Variants in ANKFN1 observed in about 807,000 individuals in gnomAD.
ANKFN1 encodes the protein ankyrin repeat and fibronectin type III domain containing 1, also known as ankyrin repeat and fibronectin type-III domain-containing protein 1.
In ANKFN1, 74 loss-of-function variants were observed where a neutral mutation model predicts 108.7. That is an observed-to-expected ratio of 0.68 (90% CI 0.56 to 0.83). The LOEUF is 0.83. ANKFN1 is among the 40% of genes least tolerant of loss of function. The pLI, the probability that ANKFN1 is intolerant of heterozygous loss-of-function variation, is 0.00. For missense variants in ANKFN1, 1,505 were observed against 1,382.3 expected (o/e 1.09, Z -1.41); for synonymous variants, 547 against 516.2 (o/e 1.06, Z -0.81).
chr17:56,482,191 T>C (rs1423012741), intron 17 of ANKFN1, among the ~76,000 whole-genome samples, 165 bp from the exon 18 acceptor site: 2 of 152,244 alleles, frequency 1.3e-5, no homozygotes, highest in African/African-American at 2.4e-5. Context: ...ATCTTGATTT[T>C]ATATAGCATT....
At chr17:56,356,157 T>G (rs953044025) in intron 6 of ANKFN1, among the ~76,000 whole-genome samples, 1 of 152,032 alleles carries the variant, frequency 6.6e-6, no homozygotes, top group African/African-American at 2.4e-5. Context: ...CAGGAGTGGG[T>G]GGGATAATAT....
intron 4 of ANKFN1, among the ~76,000 whole-genome samples, chr17:56,048,360 A>G (rs1258228185): frequency 6.6e-6 from 1 of 152,162 alleles, no homozygotes; most frequent in African/African-American, 2.4e-5. Context: ...ATGAATTTTT[A>G]TGGCTTTTCA....
chr17:56,417,686 A>G (rs1032906417), intron 8 of ANKFN1, among the ~76,000 whole-genome samples: 2 of 152,232 alleles, frequency 1.3e-5, no homozygotes, highest in African/African-American at 4.8e-5. Flanking sequence ...ACTGGATTCC[A>G]GCTTTCTCTG....
intron 4 of ANKFN1, among the ~76,000 whole-genome samples, chr17:56,078,367 C>T (rs1161886517): frequency 6.6e-6 from 1 of 152,140 alleles, no homozygotes; most frequent in Non-Finnish European, 1.5e-5. Context: ...CTTCAGCCAG[C>T]CTGTGTCATA....
At chr17:56,210,514 G>A (rs532742280) in intron 1 of ANKFN1, among the ~76,000 whole-genome samples, 1 of 152,108 alleles carries the variant, frequency 6.6e-6, no homozygotes, top group African/African-American at 2.4e-5. Flanking sequence ...TTTTTCATAT[G>A]TTTGTTGGCC....
chr17:56,128,432 C>T (rs759013816), intron 4 of ANKFN1, among the ~76,000 whole-genome samples: 2 of 152,150 alleles, frequency 1.3e-5, no homozygotes, highest in Non-Finnish European at 2.9e-5. Flanking sequence ...CTTAGCCAAA[C>T]GAAGAAAGCC....
chr17:56,313,929 C>T (rs2045119725), intron 3 of ANKFN1, among the ~76,000 whole-genome samples: 1 of 152,180 alleles, frequency 6.6e-6, no homozygotes, highest in African/African-American at 2.4e-5. Flanking sequence ...AACCAAATAT[C>T]CCACCAACCC....
At chr17:56,342,364 G>A (rs962031982) in intron 4 of ANKFN1, among the ~76,000 whole-genome samples, 1 of 151,194 alleles carries the variant, frequency 6.6e-6, no homozygotes, top group African/African-American at 2.4e-5. Context: ...TTTGCTCTTG[G>A]TTCTCTAGGT....
intron 8 of ANKFN1, among the ~76,000 whole-genome samples, chr17:56,430,941 T>G (rs2048733912): frequency 6.6e-6 from 1 of 152,130 alleles, no homozygotes; most frequent in Admixed American, 6.5e-5. Context: ...CATTGATGGC[T>G]GAAGGAAAAG....
At chr17:56,264,336 C>G (rs1386905213) in intron 3 of ANKFN1, among the ~76,000 whole-genome samples, 1 of 152,190 alleles carries the variant, frequency 6.6e-6, no homozygotes, top group Non-Finnish European at 1.5e-5. Context: ...GCCAGGTCTG[C>G]TGGCTACATG....
In ANKFN1 at chr17:56,361,123, C is replaced by T. The variant is rs112130904; in HGVS notation, c.601+7077C>T. On this transcript the variant is annotated intron_variant, in intron 6 of 20. Transcript: ENST00000682825. ...GTGTGGCTTTTTTTACTTAGAATAA[C>T]GTCCTCCAGGTTCATCCATGTTGTT... is the stretch of plus-strand genomic sequence containing the variant. Among the ~76,000 whole-genome samples, 642 of 152,218 alleles carry T rather than the reference C, an allele frequency of 4.2e-3. 11 individuals carry two copies. Among genetic ancestry groups the T allele is most frequent in the African/African-American group, 0.014 (585 of 41,534 alleles).
intron 8 of ANKFN1, among the ~76,000 whole-genome samples, chr17:56,394,260 A>G (rs1015921131): frequency 6.6e-6 from 1 of 152,064 alleles, no homozygotes; most frequent in Non-Finnish European, 1.5e-5. Context: ...TTCATCTTAC[A>G]CTATGGTGGC....
At chr17:56,107,652 A>T (rs116852996) in intron 4 of ANKFN1, among the ~76,000 whole-genome samples, 1 of 152,164 alleles carries the variant, frequency 6.6e-6, no homozygotes, top group East Asian at 1.9e-4. Flanking sequence ...GAATTGCTCC[A>T]CATTATCCAA....
chr17:56,095,293 C>CT (rs150218476), intron 4 of ANKFN1, among the ~76,000 whole-genome samples: 5,013 of 138,634 alleles, frequency 0.036, 193 homozygotes, highest in African/African-American at 0.086. Context: ...GAATGCTTTA[C>CT]TTTTTTTTTT....
intron 8 of ANKFN1, among the ~76,000 whole-genome samples, chr17:56,390,346 G>C (rs1422163567): frequency 6.6e-6 from 1 of 152,020 alleles, no homozygotes; most frequent in Non-Finnish European, 1.5e-5. Context: ...TGGCATCCAG[G>C]TTCACCCATG....
At chr17:56,475,759 C>T (rs944626351) in intron 15 of ANKFN1, among the ~76,000 whole-genome samples, 1 of 152,172 alleles carries the variant, frequency 6.6e-6, no homozygotes, top group African/African-American at 2.4e-5. Context: ...TGTGGTAAGG[C>T]ACCTGAACTT....
intron 8 of ANKFN1, among the ~76,000 whole-genome samples, chr17:56,438,337 G>T (rs1355212501): frequency 6.6e-6 from 1 of 152,058 alleles, no homozygotes; most frequent in African/African-American, 2.4e-5. Context: ...AGCAGAAAAT[G>T]CACAAAATAA....
At chr17:56,408,098 C>G (rs1424673395) in intron 8 of ANKFN1, among the ~76,000 whole-genome samples, 2 of 151,922 alleles carry the variant, frequency 1.3e-5, no homozygotes, top group African/African-American at 4.8e-5. Context: ...CCATGCCCAG[C>G]TAATTTTTGT....
chr17:56,095,735 A>ACCC (rs1259358054), intron 4 of ANKFN1, among the ~76,000 whole-genome samples: 2 of 152,168 alleles, frequency 1.3e-5, no homozygotes, highest in African/African-American at 4.8e-5. Flanking sequence ...AAGCCAGGGG[A>ACCC]GGTCACTGGG....
Sources: gnomAD v4.1 joint callset for allele counts (sites outside exome capture counted in the v4.1 genomes callset) on GRCh38, gnomAD v4.1.1 for gene constraint, MANE v1.5 for transcripts, NCBI Gene and HGNC (gene_info 2026-07-23, HGNC 2026-07-21) for gene names.